The following KDM4C variants were observed in gnomAD, a reference collection of about 807,000 sequenced individuals.
KDM4C encodes lysine demethylase 4C.
KDM4C carries 81 observed loss-of-function variants against 129.3 expected under a neutral mutation model. The observed-to-expected ratio is 0.63, with a 90% CI of 0.52 to 0.75. The LOEUF is 0.75. Ranked by LOEUF, KDM4C falls within the 30% of genes least tolerant of loss-of-function variation. The probability of loss-of-function intolerance (pLI) is 0.00; values close to 1 mark genes in which losing one functional copy is unlikely to be tolerated. For synonymous variants in KDM4C, 573 were observed against 456.1 expected, an observed-to-expected ratio of 1.26 and a Z score of -3.26; for missense variants, 1,457 against 1,304.0, an observed-to-expected ratio of 1.12 and a Z score of -1.81.
At chr9:6,798,304 G>T (rs1298104472) in intron 2 of KDM4C, among the ~76,000 whole-genome samples, 1 of 150,820 alleles carries the variant, frequency 6.6e-6, no homozygotes, top group Non-Finnish European at 1.5e-5. Flanking sequence ...CGCAGAGGGG[G>T]ATTTGGCAGG....
chr9:7,098,160 T>C (rs1255175000), intron 17 of KDM4C, among the ~76,000 whole-genome samples: 1 of 152,248 alleles, frequency 6.6e-6, no homozygotes, highest in African/African-American at 2.4e-5. Context: ...GATTTTTATT[T>C]AACATTTTAT....
chr9:6,946,254 G>A (rs1053034912), intron 8 of KDM4C, among the ~76,000 whole-genome samples: 1 of 151,960 alleles, frequency 6.6e-6, no homozygotes, highest in African/African-American at 2.4e-5. Flanking sequence ...TATGTAAAGT[G>A]GGGTTCTGCT....
chr9:6,867,523 C>T (rs1223729298), intron 5 of KDM4C, among the ~76,000 whole-genome samples: 4 of 152,158 alleles, frequency 2.6e-5, no homozygotes, highest in Non-Finnish European at 5.9e-5. Context: ...TTGATATGGG[C>T]AGACAGCTTT....
intron 1 of KDM4C, among the ~76,000 whole-genome samples, chr9:6,722,303 C>G (rs1816981814): frequency 6.6e-6 from 1 of 152,098 alleles, no homozygotes; most frequent in Non-Finnish European, 1.5e-5. Flanking sequence ...CTAGTTGTTA[C>G]TAGACAGTGT....
At chr9:6,883,387 T>TA (rs1184689978) in intron 6 of KDM4C, among the ~76,000 whole-genome samples, 1 of 152,188 alleles carries the variant, frequency 6.6e-6, no homozygotes, top group Non-Finnish European at 1.5e-5. Flanking sequence ...ACTCATGCCT[T>TA]AGGCATGGAG....
intron 8 of KDM4C, among the ~76,000 whole-genome samples, chr9:6,938,574 G>C (rs754686628): frequency 2.6e-5 from 4 of 152,190 alleles, no homozygotes; most frequent in Non-Finnish European, 5.9e-5. Flanking sequence ...GAAGCCATCT[G>C]TTTGGTTTTT....
chr9:6,978,946 G>T (rs2039870), intron 8 of KDM4C: 1 of 151,128 alleles, frequency 6.6e-6, no homozygotes, highest in Non-Finnish European at 1.5e-5. Context: ...AAGGTCAAAG[G>T]TTTTTTTTTC....
At chr9:6,863,808 A>G (rs1841431031) in intron 5 of KDM4C, among the ~76,000 whole-genome samples, 1 of 146,300 alleles carries the variant, frequency 6.8e-6, no homozygotes, top group Non-Finnish European at 1.5e-5. Context: ...AAAAAAAAAA[A>G]AAAAGAGAGA....
At chr9:6,817,784 T>TG (rs59348846) in intron 4 of KDM4C, among the ~76,000 whole-genome samples, 3 of 149,004 alleles carry the variant, frequency 2.0e-5, no homozygotes, top group African/African-American at 7.4e-5. Flanking sequence ...TTTTTTTTTT[T>TG]GAGACAGAGT....
intron 17 of KDM4C, among the ~76,000 whole-genome samples, chr9:7,082,378 A>C (rs984451753): frequency 2.6e-5 from 4 of 152,204 alleles, no homozygotes; most frequent in African/African-American, 4.8e-5. Context: ...CCAAGCAGGC[A>C]TAATACTGTG....
At chr9:7,065,299 ATCTT>A (rs1339802851) in intron 17 of KDM4C, among the ~76,000 whole-genome samples, 1 of 152,120 alleles carries the variant, frequency 6.6e-6, no homozygotes, top group Non-Finnish European at 1.5e-5. Flanking sequence ...AATATATTCC[ATCTT>A]TCTTTAATAA....
At position 6,758,062 on chromosome 9, in the gene KDM4C, G is replaced by C; in HGVS notation, c.-159G>C. The stretch of plus-strand genomic sequence containing the variant: ...CGCGGCGCAGTGATCGGGCGGCCGG[G>C]GTCCTGTGCGCGTGCGCAGCGAACA... On this transcript the variant is annotated 5_prime_UTR_variant, in exon 1 of 22. Transcript: ENST00000381309. The surrounding 1 kb of genome is among the most constrained non-coding windows in gnomAD (Gnocchi z 4.6). The C allele has an allele frequency of 3.0e-6, 3 of 985,496 alleles. No homozygotes were observed. The highest frequency in any genetic ancestry group is 3.6e-6 in the Non-Finnish European group (3 of 829,982). The allele number at this position is 985,496 out of a possible 1,614,324, so 61.0% of individuals were successfully genotyped here.
intron 18 of KDM4C, among the ~76,000 whole-genome samples, chr9:7,105,115 G>C (rs1024332841): frequency 2.6e-5 from 4 of 152,190 alleles, no homozygotes; most frequent in Non-Finnish European, 5.9e-5. Context: ...GTATCCAGTA[G>C]AAAATACATT....
At chr9:6,921,045 A>G (rs1821411703) in intron 8 of KDM4C, among the ~76,000 whole-genome samples, 1 of 151,594 alleles carries the variant, frequency 6.6e-6, no homozygotes, top group Middle Eastern at 3.4e-3. Flanking sequence ...GCTTTCTGAG[A>G]TGGTACACAT....
chr9:7,041,396 C>T (rs1254490034), intron 15 of KDM4C, among the ~76,000 whole-genome samples: 1 of 151,944 alleles, frequency 6.6e-6, no homozygotes, highest in Non-Finnish European at 1.5e-5. Flanking sequence ...GTCTTGGAAC[C>T]AATCTCCCTT....
intron 5 of KDM4C, among the ~76,000 whole-genome samples, chr9:6,862,436 A>C (rs190061621): frequency 6.6e-6 from 1 of 152,284 alleles, no homozygotes; most frequent in East Asian, 1.9e-4. Flanking sequence ...AATAAAGTGC[A>C]CTTTTGAAAG....
At chr9:7,171,061 T>G (rs1268848972) in intron 21 of KDM4C, 1 of 152,222 alleles carries the variant, frequency 6.6e-6, no homozygotes, top group Non-Finnish European at 1.5e-5. Context: ...AAACGTTCAG[T>G]TGTGTATGCA....
upstream of KDM4C, among the ~76,000 whole-genome samples, chr9:6,754,196 G>C (rs1158003679): frequency 2.0e-5 from 3 of 150,846 alleles, no homozygotes; most frequent in Admixed American, 2.0e-4. Flanking sequence ...CTGTATATTT[G>C]TTTTGTTTTC....
At chr9:6,743,551 A>G (rs1262576381) in intron 1 of KDM4C, among the ~76,000 whole-genome samples, 1 of 150,388 alleles carries the variant, frequency 6.6e-6, no homozygotes, top group African/African-American at 2.5e-5. Context: ...TCTGTCACCC[A>G]GGCTGGAGTG....
Sources: allele counts gnomAD v4.1 joint callset (sites outside exome capture counted in the v4.1 genomes callset), GRCh38; gene constraint gnomAD v4.1.1; non-coding constraint Gnocchi (gnomAD v3.1); transcripts MANE v1.5; gene names NCBI Gene and HGNC (gene_info 2026-07-23, HGNC 2026-07-21).